Variants in ATP2C1 observed in about 807,000 individuals in gnomAD.
The protein encoded by ATP2C1 is calcium-transporting ATPase type 2C member 1.
In ATP2C1, 31 loss-of-function variants were observed where a neutral mutation model predicts 120.5. The ratio of observed to expected loss-of-function variants is 0.26; its 90% CI spans 0.19 to 0.35. The LOEUF (loss-of-function observed/expected upper bound fraction) is 0.35, where lower values mean the gene tolerates loss of function less well. Ranked by LOEUF, ATP2C1 falls within the 10% of genes least tolerant of loss-of-function variation. The pLI, the probability that ATP2C1 is intolerant of heterozygous loss-of-function variation, is 1.00. For synonymous variants in ATP2C1, 351 were observed against 358.7 expected (o/e 0.98, Z 0.24); for missense variants, 731 against 1,107.5 (o/e 0.66, Z 4.83).
intron 18 of ATP2C1, among the ~76,000 whole-genome samples, chr3:130,978,668 A>G (rs2061628002): frequency 1.3e-5 from 2 of 152,224 alleles, no homozygotes; most frequent in South Asian, 2.1e-4. Flanking sequence ...AAAGAATCCA[A>G]ACTATTGTTG....
intron 20 of ATP2C1, among the ~76,000 whole-genome samples, chr3:130,986,576 A>G (rs1160695892): frequency 6.6e-6 from 1 of 152,204 alleles, no homozygotes; most frequent in Non-Finnish European, 1.5e-5. Context: ...TCCTGATGCT[A>G]TTCCAAGGAG....
chr3:130,955,364 G>T (rs972110473), intron 10 of ATP2C1, among the ~76,000 whole-genome samples: 1 of 152,024 alleles, frequency 6.6e-6, no homozygotes, highest in African/African-American at 2.4e-5. Context: ...AATTAGTGTT[G>T]TGGTAATTTT....
At chr3:131,013,320 T>A (rs2063409786) in intron 26 of ATP2C1, among the ~76,000 whole-genome samples, 1 of 152,198 alleles carries the variant, frequency 6.6e-6, no homozygotes, top group Admixed American at 6.5e-5. Flanking sequence ...CCATTCTAAC[T>A]TTTTCATTAA....
At chr3:130,941,248 G>C (rs947585599) in intron 7 of ATP2C1, among the ~76,000 whole-genome samples, 2 of 148,884 alleles carry the variant, frequency 1.3e-5, no homozygotes, top group African/African-American at 2.5e-5. Context: ...GTGTGTGTGT[G>C]TGTGTGTGTG....
At chr3:130,869,961 C>G (rs1275777727) in intron 1 of ATP2C1, among the ~76,000 whole-genome samples, 3 of 152,200 alleles carry the variant, frequency 2.0e-5, no homozygotes, top group Non-Finnish European at 4.4e-5. Flanking sequence ...TAAAAAGCCA[C>G]AGGCTGACTT....
At chr3:130,884,743 A>G (rs1031436574) in intron 1 of ATP2C1, among the ~76,000 whole-genome samples, 1 of 152,110 alleles carries the variant, frequency 6.6e-6, no homozygotes, top group African/African-American at 2.4e-5. Flanking sequence ...CCTCTTTATC[A>G]TTATATGATG....
intron 2 of ATP2C1, among the ~76,000 whole-genome samples, chr3:130,903,029 A>T (rs1311050450): frequency 6.6e-6 from 1 of 152,018 alleles, no homozygotes; most frequent in African/African-American, 2.4e-5. Context: ...CCTTTTAGGA[A>T]AAAAACCGGT....
intron 26 of ATP2C1, among the ~76,000 whole-genome samples, chr3:131,008,186 C>G (rs373143662): frequency 6.6e-6 from 1 of 152,028 alleles, no homozygotes; most frequent in African/African-American, 2.4e-5. Flanking sequence ...ACCCTTAATC[C>G]CAGCACTTTG....
chr3:130,983,287 C>T (rs527562333), intron 20 of ATP2C1, among the ~76,000 whole-genome samples: 8 of 152,228 alleles, frequency 5.3e-5, no homozygotes, highest in East Asian at 1.9e-4. Flanking sequence ...TAGGCAGCAC[C>T]GCTTTAAAAA....
intron 1 of ATP2C1, among the ~76,000 whole-genome samples, chr3:130,879,399 A>G (rs2068712001): frequency 6.6e-6 from 1 of 151,906 alleles, no homozygotes; most frequent in Non-Finnish European, 1.5e-5. Flanking sequence ...TTTTTAATGA[A>G]ATGTACCTCT....
chr3:130,993,073 C>T, intron 21 of ATP2C1, 72 bp downstream of exon 21: 1 of 1,330,084 alleles, frequency 7.5e-7, no homozygotes, highest in Non-Finnish European at 1.1e-6. Flanking sequence ...GTTATGTTTG[C>T]ATTACAGGGA....
intron 1 of ATP2C1, among the ~76,000 whole-genome samples, chr3:130,879,243 T>C (rs1318130775): frequency 6.6e-6 from 1 of 152,022 alleles, no homozygotes; most frequent in African/African-American, 2.4e-5. Flanking sequence ...TGTATTTTTA[T>C]TTTTTAATAG....
intron 3 of ATP2C1, among the ~76,000 whole-genome samples, chr3:130,931,719 A>G (rs1385423130): frequency 6.6e-6 from 1 of 152,116 alleles, no homozygotes; most frequent in African/African-American, 2.4e-5. Context: ...TAATTCACAT[A>G]AAATACAATG....
At chr3:130,920,622 C>T (rs574061619) in intron 2 of ATP2C1, among the ~76,000 whole-genome samples, 1 of 152,220 alleles carries the variant, frequency 6.6e-6, no homozygotes, top group East Asian at 1.9e-4. Flanking sequence ...ATGATGCCTC[C>T]AGCTTTGTTC....
intron 2 of ATP2C1, among the ~76,000 whole-genome samples, chr3:130,901,626 T>C (rs1576637486): frequency 1.3e-5 from 2 of 151,934 alleles, no homozygotes; most frequent in Admixed American, 6.6e-5. Context: ...AGTGAGCCGA[T>C]TTAGGGGCTG....
intron 13 of ATP2C1, 49 bp from the exon 14 acceptor site, chr3:130,964,897 CTA>C (rs2060984059): frequency 7.5e-7 from 1 of 1,339,384 alleles, no homozygotes; most frequent in African/African-American, 1.4e-5. Context: ...TTAAGTGAAC[CTA>C]TATTTCTCCT....
intron 6 of ATP2C1, among the ~76,000 whole-genome samples, chr3:130,938,764 G>A (rs2108426121): frequency 6.6e-6 from 1 of 152,258 alleles, no homozygotes; most frequent in Non-Finnish European, 1.5e-5. Context: ...GGACCTTCTT[G>A]CGTCTTTAAG....
intron 12 of ATP2C1, chr3:130,962,807 A>G (rs2108623350): frequency 6.6e-6 from 1 of 151,802 alleles, no homozygotes; most frequent in East Asian, 1.9e-4. Context: ...GGAGAAAAGG[A>G]AGTATTAATG....
intron 2 of ATP2C1, among the ~76,000 whole-genome samples, chr3:130,901,257 C>A (rs1368104042): frequency 6.6e-6 from 1 of 152,058 alleles, no homozygotes; most frequent in Non-Finnish European, 1.5e-5. Context: ...GCATCCCTCC[C>A]CACCCCAGAG....
Sources: allele counts gnomAD v4.1 joint callset (sites outside exome capture counted in the v4.1 genomes callset), GRCh38; gene constraint gnomAD v4.1.1; transcripts MANE v1.5; gene names NCBI Gene and HGNC (gene_info 2026-07-23, HGNC 2026-07-21).